Variants in PPARG observed in about 807,000 individuals in gnomAD.
PPARG encodes peroxisome proliferator-activated receptor gamma.
In PPARG, 17 loss-of-function variants were observed where a neutral mutation model predicts 39.2. The ratio of observed to expected loss-of-function variants is 0.43; its 90% CI spans 0.30 to 0.65. The LOEUF is 0.65. Ranked by LOEUF, PPARG falls within the 30% of genes least tolerant of loss-of-function variation. The probability of loss-of-function intolerance (pLI) is 0.13; values close to 1 mark genes in which losing one functional copy is unlikely to be tolerated. For missense variants in PPARG, 406 were observed against 585.9 expected (o/e 0.69, Z 3.17); for synonymous variants, 223 against 215.7 (o/e 1.03, Z -0.30).
intron 7 of PPARG, 69 bp downstream of exon 7, chr3:12,417,223 G>A (rs1044313991): frequency 8.1e-6 from 12 of 1,487,690 alleles, no homozygotes; most frequent in South Asian, 5.9e-5. Context: ...AAGAATTTTG[G>A]ATTTCCTTAG....
rs1161434434 is a variant in PPARG at position 12,410,534 on chromosome 3, C to A, written c.729+4453C>A. Among the ~76,000 whole-genome samples, 3 of 152,234 alleles carry A rather than the reference C, an allele frequency of 2.0e-5. No individual in the cohort carries two copies. In the South Asian group the frequency reaches 6.2e-4, roughly 31 times the overall value. ...TGGCGAAGCTCCGGCTGCACTCTGT[C>A]TGCAAATAAGGAATAAAACTTTTTA... On this transcript the variant is annotated intron_variant, in intron 6 of 7. Transcript: ENST00000651735.
intron 5 of PPARG, among the ~76,000 whole-genome samples, chr3:12,400,016 G>A (rs2050416827): frequency 1.3e-5 from 2 of 151,518 alleles, no homozygotes; most frequent in South Asian, 2.1e-4. Context: ...AAGAGAGATG[G>A]GAAAACAACT....
chr3:12,407,604 A>G (rs973360979), intron 6 of PPARG, among the ~76,000 whole-genome samples: 1 of 152,200 alleles, frequency 6.6e-6, no homozygotes, highest in African/African-American at 2.4e-5. Context: ...TTATTTTCAC[A>G]TGAACACCTC....
At chr3:12,424,252 T>TA (rs1276402201) in intron 7 of PPARG, among the ~76,000 whole-genome samples, 36 of 152,352 alleles carry the variant, frequency 2.4e-4, no homozygotes, top group Admixed American at 2.2e-3. Context: ...AATCATCTGA[T>TA]ATACTTTAAA....
chr3:12,381,948 A>C (rs1321915618), intron 4 of PPARG, among the ~76,000 whole-genome samples: 1 of 152,020 alleles, frequency 6.6e-6, no homozygotes, highest in Non-Finnish European at 1.5e-5. Flanking sequence ...TTATTTTGCT[A>C]TACCGTGTAA....
intron 2 of PPARG, among the ~76,000 whole-genome samples, chr3:12,360,020 G>A (rs935572780): frequency 1.3e-5 from 2 of 151,912 alleles, no homozygotes; most frequent in Non-Finnish European, 2.9e-5. Flanking sequence ...TTTTACTTCC[G>A]CCATTTACAC....
chr3:12,356,993 T>G (rs1469451949), intron 2 of PPARG, among the ~76,000 whole-genome samples: 1 of 152,158 alleles, frequency 6.6e-6, no homozygotes, highest in African/African-American at 2.4e-5. Flanking sequence ...CTCTCTCCTC[T>G]AAACTGAAAA....
chr3:12,384,191 A>G (rs184376481), intron 4 of PPARG, among the ~76,000 whole-genome samples: 1 of 152,272 alleles, frequency 6.6e-6, no homozygotes, highest in Admixed American at 6.5e-5. Context: ...ATACTACTTA[A>G]TATAAAGAAA....
chr3:12,300,885 C>G (rs1443848948), intron 1 of PPARG, among the ~76,000 whole-genome samples: 1 of 152,162 alleles, frequency 6.6e-6, no homozygotes, highest in East Asian at 1.9e-4. Flanking sequence ...CCCAGCCAAA[C>G]TGGGTGCACT....
intron 5 of PPARG, among the ~76,000 whole-genome samples, chr3:12,393,528 G>A (rs2050153815): frequency 6.6e-6 from 1 of 152,092 alleles, no homozygotes; most frequent in South Asian, 2.1e-4. Context: ...ATTTGGTTCT[G>A]ATTGGTTGCC....
At chr3:12,307,197 G>A (rs1041209924) in intron 1 of PPARG, among the ~76,000 whole-genome samples, 1 of 78,286 alleles carries the variant, frequency 1.3e-5, no homozygotes, top group African/African-American at 5.1e-5. Context: ...ATTTTATTTT[G>A]TCTCAGGATA....
chr3:12,343,764 G>A (rs1015524771), intron 2 of PPARG, among the ~76,000 whole-genome samples: 2 of 151,576 alleles, frequency 1.3e-5, no homozygotes, highest in Non-Finnish European at 2.9e-5. Flanking sequence ...TGTATTGCTC[G>A]GTATTTAGCA....
intron 2 of PPARG, among the ~76,000 whole-genome samples, chr3:12,315,270 A>G (rs1187459954): frequency 6.6e-6 from 1 of 152,236 alleles, no homozygotes; most frequent in Admixed American, 6.5e-5. Flanking sequence ...CATGAATGAC[A>G]GGATTTCATT....
intron 4 of PPARG, among the ~76,000 whole-genome samples, chr3:12,388,716 G>A (rs889615903): frequency 6.6e-6 from 1 of 152,122 alleles, no homozygotes; most frequent in African/African-American, 2.4e-5. Context: ...CCTACCTGGG[G>A]AAAGCAGAAA....
rs1341225695 is a variant in PPARG at position 12,396,130 on chromosome 3, A to AT, written c.529+3387dup. Among the ~76,000 whole-genome samples, 8 of 151,044 alleles carry AT rather than the reference A, an allele frequency of 5.3e-5. No individual in the cohort carries two copies. In the South Asian group the frequency reaches 6.3e-4, roughly 12 times the overall value. ...TATGTCTTCTTTATTTTTTATTATTATTTTTTTTTGAGATGGAGTCTCGCT... is the reference window on the plus strand; with the variant it reads ...TATGTCTTCTTTATTTTTTATTATTATTTTTTTTTTGAGATGGAGTCTCGCT... On this transcript the variant is annotated intron_variant, in intron 5 of 7. Transcript: ENST00000651735.
chr3:12,310,818 A>AC lies in PPARG; in HGVS notation c.-82-1562_-82-1561insC, dbSNP rs1385451217. Among the ~76,000 whole-genome samples, 635 of 147,926 alleles carry AC rather than the reference A, an allele frequency of 4.3e-3. 2 individuals carry two copies. The highest frequency in any genetic ancestry group is 0.015 in the African/African-American group (580 of 39,172). ...AAAAAAAAAAAAAAAAAAAAAAAAA[A>AC]AAAAAACCCAAGTGGTAATCTGTCA... On this transcript the variant is annotated intron_variant, in intron 1 of 7. Coordinates refer to ENST00000651735, the MANE Select transcript of PPARG (RefSeq NM_138711.6).
intron 5 of PPARG, among the ~76,000 whole-genome samples, chr3:12,398,750 A>T (rs2050357238): frequency 6.6e-6 from 1 of 152,222 alleles, no homozygotes. Flanking sequence ...CTGGGAGAAT[A>T]CTGAAGAGCT....
chr3:12,420,274 G>T (rs1455310312), intron 7 of PPARG, among the ~76,000 whole-genome samples: 2 of 152,168 alleles, frequency 1.3e-5, no homozygotes, highest in African/African-American at 2.4e-5. Context: ...GGCATCTATC[G>T]AGGATGAGAT....
chr3:12,300,883 A>G (rs958188702), intron 1 of PPARG, among the ~76,000 whole-genome samples: 2 of 152,162 alleles, frequency 1.3e-5, no homozygotes, highest in Non-Finnish European at 2.9e-5. Context: ...TTCCCAGCCA[A>G]ACTGGGTGCA....
Sources: allele counts gnomAD v4.1 joint callset (sites outside exome capture counted in the v4.1 genomes callset), GRCh38; gene constraint gnomAD v4.1.1; transcripts MANE v1.5; gene names NCBI Gene and HGNC (gene_info 2026-07-23, HGNC 2026-07-21).